Variants in CDH12 observed in about 807,000 individuals in gnomAD.
The protein encoded by CDH12 is cadherin-12.
Under a neutral mutation model 74.1 loss-of-function variants are expected in CDH12, and 41 were observed. The ratio of observed to expected loss-of-function variants is 0.55; its 90% CI spans 0.43 to 0.72. The LOEUF (loss-of-function observed/expected upper bound fraction) is 0.72, where lower values mean the gene tolerates loss of function less well. Among genes scored for constraint, CDH12 ranks in the 30% least tolerant of loss-of-function variants. The probability of loss-of-function intolerance (pLI) is 0.00; values close to 1 mark genes in which losing one functional copy is unlikely to be tolerated. For synonymous variants in CDH12, 399 were observed against 355.0 expected (o/e 1.12, Z -1.39); for missense variants, 945 against 977.2 (o/e 0.97, Z 0.44).
intron 8 of CDH12, 50 bp from the exon 9 acceptor site, chr5:21,817,182 T>G: frequency 8.0e-7 from 1 of 1,248,916 alleles, no homozygotes; most frequent in Non-Finnish European, 1.1e-6. Flanking sequence ...GTAAGAGATA[T>G]AGTAAGATTA....
intron 5 of CDH12, among the ~76,000 whole-genome samples, chr5:22,066,422 T>C (rs1580195511): frequency 6.6e-6 from 1 of 152,142 alleles, no homozygotes. Context: ...GGACATTAGC[T>C]CTGAACTAAC....
chr5:22,664,367 GTACCTTTTTCAC>G (rs1300436255), intron 1 of CDH12, among the ~76,000 whole-genome samples: 1 of 152,240 alleles, frequency 6.6e-6, no homozygotes, highest in Admixed American at 6.5e-5. Flanking sequence ...GGGAAGCAAG[GTACCTTTTTCAC>G]AAGGCAGCAG....
chr5:22,473,692 A>G (rs964680787), intron 2 of CDH12, among the ~76,000 whole-genome samples: 3 of 152,158 alleles, frequency 2.0e-5, no homozygotes, highest in Admixed American at 6.5e-5. Context: ...GTCCTAACTA[A>G]TGTGATCACA....
Position 22,078,637 on chromosome 5 carries a change from G to T in CDH12, c.40C>A (p.Leu14Met). The change falls in exon 5 of 15, where the codon CTG (leucine) becomes ATG (methionine). Residue 14 changes from leucine (L) to methionine (M), a missense_variant. This residue lies in a region of CDH12 where 148 missense variants were observed against 162.8 expected (regional missense o/e 0.91). Coordinates refer to ENST00000382254, the MANE Select transcript of CDH12 (RefSeq NM_004061.5). ...GGTGTTAGGAGACCTCCATCAAACAGAACCCAGAGAAGCAGGGATAAACAG... is the reference window on the plus strand; with the variant it reads ...GGTGTTAGGAGACCTCCATCAAACATAACCCAGAGAAGCAGGGATAAACAG... Reference protein sequence around the residue: ...RNCLSLLLWVLFDGGLLTPLQ... With the variant: ...RNCLSLLLWVMFDGGLLTPLQ... The T allele has an allele frequency of 6.2e-7, 1 of 1,613,838 alleles. No individual in the cohort carries two copies. The highest frequency in any genetic ancestry group is 8.5e-7 in the Non-Finnish European group (1 of 1,179,794).
intron 6 of CDH12, among the ~76,000 whole-genome samples, chr5:21,874,142 G>A (rs893151690): frequency 1.3e-5 from 2 of 152,068 alleles, no homozygotes; most frequent in African/African-American, 2.4e-5. Context: ...TGCTGGGTCA[G>A]AATCTACAAG....
intron 6 of CDH12, among the ~76,000 whole-genome samples, chr5:21,891,116 G>A (rs550067221): frequency 1.4e-4 from 22 of 151,986 alleles, no homozygotes; most frequent in Non-Finnish European, 2.8e-4. Flanking sequence ...ATCCTGAGTT[G>A]TTTATATAAA....
At chr5:22,821,528 C>T (rs1418111471) in intron 1 of CDH12, among the ~76,000 whole-genome samples, 50 of 152,202 alleles carry the variant, frequency 3.3e-4, no homozygotes, top group African/African-American at 1.1e-3. Flanking sequence ...ATAAGCAACT[C>T]CAGCAAAGTC....
chr5:22,384,475 G>A (rs1232433790), intron 3 of CDH12, among the ~76,000 whole-genome samples: 2 of 129,424 alleles, frequency 1.5e-5, no homozygotes, highest in African/African-American at 2.8e-5. Context: ...GCAGTGAGCC[G>A]AGATTGCACC....
At chr5:22,215,795 A>T (rs1200191691) in intron 3 of CDH12, among the ~76,000 whole-genome samples, 1 of 152,148 alleles carries the variant, frequency 6.6e-6, no homozygotes, top group Non-Finnish European at 1.5e-5. Flanking sequence ...TAAAAGTCAC[A>T]TGAATCCTAT....
intron 3 of CDH12, among the ~76,000 whole-genome samples, chr5:22,292,436 ACAAT>A (rs1421458635): frequency 4.6e-5 from 7 of 151,896 alleles, no homozygotes; most frequent in Non-Finnish European, 5.9e-5. Flanking sequence ...AGCAAAGGAA[ACAAT>A]CAACAGAGTA....
At chr5:22,572,966 A>C (rs940231269) in intron 1 of CDH12, among the ~76,000 whole-genome samples, 6 of 152,184 alleles carry the variant, frequency 3.9e-5, no homozygotes, top group Non-Finnish European at 8.8e-5. Context: ...ATAGTTTGGG[A>C]AACTGAAATG....
chr5:22,386,263 C>A (rs1481895701), intron 3 of CDH12, among the ~76,000 whole-genome samples: 3 of 152,112 alleles, frequency 2.0e-5, no homozygotes, highest in African/African-American at 7.2e-5. Flanking sequence ...TAAATCCATC[C>A]CCATGATCCA....
chr5:21,971,203 A>G (rs1756839252), intron 6 of CDH12, among the ~76,000 whole-genome samples: 1 of 152,136 alleles, frequency 6.6e-6, no homozygotes, highest in African/African-American at 2.4e-5. Flanking sequence ...TCTGAGATTG[A>G]AAGCTAAGTT....
At chr5:21,871,277 G>A (rs1210515030) in intron 6 of CDH12, among the ~76,000 whole-genome samples, 4 of 152,138 alleles carry the variant, frequency 2.6e-5, no homozygotes, top group Admixed American at 6.5e-5. Flanking sequence ...AAACAATTGT[G>A]TGGTCTCAAG....
intron 3 of CDH12, among the ~76,000 whole-genome samples, chr5:22,229,155 T>C (rs557547006): frequency 1.3e-5 from 2 of 151,670 alleles, no homozygotes; most frequent in African/African-American, 4.8e-5. Context: ...TTTTTTAGTA[T>C]ATTCCACTGT....
chr5:22,669,747 T>C (rs1156881175), intron 1 of CDH12, among the ~76,000 whole-genome samples: 2 of 152,224 alleles, frequency 1.3e-5, no homozygotes, highest in Non-Finnish European at 2.9e-5. Flanking sequence ...GCACCAAAAC[T>C]GGATCACCAC....
intron 1 of CDH12, among the ~76,000 whole-genome samples, chr5:22,776,109 A>G (rs1001124407): frequency 5.9e-5 from 9 of 152,276 alleles, no homozygotes; most frequent in Non-Finnish European, 1.3e-4. Context: ...TGTCAGCAGC[A>G]TGAATGCGGA....
intron 6 of CDH12, among the ~76,000 whole-genome samples, chr5:21,891,496 C>G (rs1219982713): frequency 1.3e-5 from 2 of 151,740 alleles, no homozygotes; most frequent in South Asian, 2.1e-4. Flanking sequence ...GTGGCCTATA[C>G]TATCACAGTT....
intron 1 of CDH12, among the ~76,000 whole-genome samples, chr5:22,754,498 TTAAGTC>T (rs992000697): frequency 1.3e-5 from 2 of 150,988 alleles, no homozygotes; most frequent in African/African-American, 4.9e-5. Context: ...TAGGTGATGG[TTAAGTC>T]TAAGACAAAG....
Sources: allele counts gnomAD v4.1 joint callset (sites outside exome capture counted in the v4.1 genomes callset), GRCh38; gene constraint gnomAD v4.1.1; regional missense constraint gnomAD v4.1.1; transcripts MANE v1.5; gene names NCBI Gene and HGNC (gene_info 2026-07-23, HGNC 2026-07-21).